PDZRN3: variants seen among roughly 807,000 people sequenced by gnomAD.
PDZRN3 encodes the protein PDZ domain containing ring finger 3, also known as E3 ubiquitin-protein ligase PDZRN3.
Under a neutral mutation model 85.7 loss-of-function variants are expected in PDZRN3, and 38 were observed. The observed-to-expected ratio is 0.44, with a 90% CI of 0.34 to 0.58. The LOEUF (loss-of-function observed/expected upper bound fraction) is 0.58. PDZRN3 is among the 20% of genes least tolerant of loss of function. PDZRN3 has a pLI of 0.01. For synonymous variants in PDZRN3, 759 were observed against 638.0 expected (o/e 1.19, Z -2.86); for missense variants, 1,629 against 1,506.4 (o/e 1.08, Z -1.35).
intron 3 of PDZRN3, among the ~76,000 whole-genome samples, chr3:73,412,420 T>G (rs1701992243): frequency 6.6e-6 from 1 of 152,236 alleles, no homozygotes; most frequent in Non-Finnish European, 1.5e-5. Flanking sequence ...CCTCCATCAA[T>G]GGAATTGTTA....
chr3:73,610,476 A>G (rs1269698371), intron 1 of PDZRN3, among the ~76,000 whole-genome samples: 1 of 152,226 alleles, frequency 6.6e-6, no homozygotes, highest in Non-Finnish European at 1.5e-5. Flanking sequence ...GAAAATCCAG[A>G]ATCAACCTAA....
At chr3:73,485,103 T>C (rs1703639433) in intron 3 of PDZRN3, among the ~76,000 whole-genome samples, 1 of 152,144 alleles carries the variant, frequency 6.6e-6, no homozygotes, top group African/African-American at 2.4e-5. Flanking sequence ...AGAATGAAGA[T>C]ACCTGTCTCA....
At chr3:73,604,421 T>C (rs1702563763) in intron 2 of PDZRN3, among the ~76,000 whole-genome samples, 1 of 151,786 alleles carries the variant, frequency 6.6e-6, no homozygotes, top group Non-Finnish European at 1.5e-5. Context: ...CTGAGAGAGG[T>C]TCGGAAACTC....
intron 3 of PDZRN3, among the ~76,000 whole-genome samples, chr3:73,568,714 C>T (rs1040237155): frequency 6.6e-6 from 1 of 152,170 alleles, no homozygotes; most frequent in African/African-American, 2.4e-5. Context: ...CTGTTTGTGG[C>T]ATACTCTTTT....
intron 7 of PDZRN3, 22 bp downstream of exon 7, chr3:73,389,794 C>A: frequency 6.4e-7 from 1 of 1,573,600 alleles, no homozygotes; most frequent in Non-Finnish European, 8.7e-7. Flanking sequence ...ATCATGAGGC[C>A]ATTGTTTGGA....
intron 8 of PDZRN3, among the ~76,000 whole-genome samples, chr3:73,387,013 A>G (rs1451701671): frequency 6.6e-6 from 1 of 152,174 alleles, no homozygotes; most frequent in African/African-American, 2.4e-5. Context: ...TACTGTTCTC[A>G]TGGTAGTGAA....
At chr3:73,595,772 A>G (rs917534372) in intron 3 of PDZRN3, among the ~76,000 whole-genome samples, 7 of 152,208 alleles carry the variant, frequency 4.6e-5, no homozygotes, top group Non-Finnish European at 1.0e-4. Flanking sequence ...ACTGACTTGG[A>G]CTGAAATTAG....
At chr3:73,425,662 G>A (rs933054920) in intron 3 of PDZRN3, among the ~76,000 whole-genome samples, 56 of 151,824 alleles carry the variant, frequency 3.7e-4, no homozygotes, top group African/African-American at 1.2e-3. Context: ...AGCGAGGTAA[G>A]GCGGATACTT....
chr3:73,449,538 T>C (rs1702816280), intron 3 of PDZRN3, among the ~76,000 whole-genome samples: 1 of 152,220 alleles, frequency 6.6e-6, no homozygotes, highest in South Asian at 2.1e-4. Context: ...GACTTGTATA[T>C]TGAACAAATA....
chr3:73,509,289 A>G lies in PDZRN3; in HGVS notation c.918+93065T>C, dbSNP rs150755023. Among the ~76,000 whole-genome samples the G allele has an allele frequency of 4.0e-3, 606 of 152,332 alleles. 8 individuals carry two copies. Among genetic ancestry groups the G allele is most frequent in the African/African-American group, 0.014 (572 of 41,578 alleles). On this transcript the variant is annotated intron_variant, in intron 3 of 9. Coordinates refer to ENST00000263666, the MANE Select transcript of PDZRN3 (RefSeq NM_015009.3). ...GGAGATGGGATGGTCTCAGGGCAAC[A>G]CGCTCACTAAGCATCTACCATGCAA...
At chr3:73,546,924 C>A (rs145754827) in intron 3 of PDZRN3, among the ~76,000 whole-genome samples, 1 of 152,174 alleles carries the variant, frequency 6.6e-6, no homozygotes, top group African/African-American at 2.4e-5. Context: ...CTGAGTTCAG[C>A]AGCTGGAAGA....
intron 3 of PDZRN3, among the ~76,000 whole-genome samples, chr3:73,578,806 C>T (rs9855254): frequency 0.069 from 10,428 of 152,036 alleles, 927 homozygotes; most frequent in African/African-American, 0.21. Flanking sequence ...AACATTTCAG[C>T]TAATGAAGTG....
intron 5 of PDZRN3, among the ~76,000 whole-genome samples, chr3:73,395,833 C>A (rs1250890948): frequency 6.6e-6 from 1 of 152,148 alleles, no homozygotes; most frequent in African/African-American, 2.4e-5. Context: ...CTACTATATG[C>A]CAGACATGGT....
intron 3 of PDZRN3, among the ~76,000 whole-genome samples, chr3:73,464,827 A>G (rs1004220043): frequency 1.3e-5 from 2 of 152,222 alleles, no homozygotes; most frequent in Non-Finnish European, 2.9e-5. Flanking sequence ...AAAGCAAGCT[A>G]ATTAATATAT....
chr3:73,388,393 A>T (rs1217465227), intron 7 of PDZRN3, among the ~76,000 whole-genome samples: 7 of 152,198 alleles, frequency 4.6e-5, no homozygotes, highest in African/African-American at 1.7e-4. Flanking sequence ...GGAACATGGA[A>T]GCAATTAGAC....
intron 3 of PDZRN3, among the ~76,000 whole-genome samples, chr3:73,577,201 G>A (rs1379243087): frequency 1.3e-5 from 2 of 152,276 alleles, no homozygotes; most frequent in African/African-American, 4.8e-5. Flanking sequence ...CAACTTTTCA[G>A]AACGATGAAT....
At chr3:73,589,546 T>C (rs1008982216) in intron 3 of PDZRN3, among the ~76,000 whole-genome samples, 2 of 152,212 alleles carry the variant, frequency 1.3e-5, no homozygotes, top group African/African-American at 4.8e-5. Context: ...GTTTAATAGA[T>C]GAGAATCTCT....
intron 3 of PDZRN3, among the ~76,000 whole-genome samples, chr3:73,574,184 A>G (rs1341828971): frequency 6.6e-6 from 1 of 152,234 alleles, no homozygotes; most frequent in African/African-American, 2.4e-5. Context: ...ACAAAGGGAA[A>G]AAATGTCAAA....
chr3:73,566,833 C>T (rs945368680), intron 3 of PDZRN3, among the ~76,000 whole-genome samples: 1 of 152,124 alleles, frequency 6.6e-6, no homozygotes, highest in African/African-American at 2.4e-5. Context: ...GACTGTCATG[C>T]CGAGATGCAA....
Sources: allele counts gnomAD v4.1 joint callset (sites outside exome capture counted in the v4.1 genomes callset), GRCh38; gene constraint gnomAD v4.1.1; transcripts MANE v1.5; gene names NCBI Gene and HGNC (gene_info 2026-07-23, HGNC 2026-07-21).